The following SINHCAF variants were observed in gnomAD, a reference collection of about 807,000 sequenced individuals.
The protein encoded by SINHCAF is SIN3-HDAC complex-associated factor.
SINHCAF carries 3 observed loss-of-function variants against 25.8 expected under a neutral mutation model. That is an observed-to-expected ratio of 0.12 (90% CI 0.05 to 0.30). The LOEUF (loss-of-function observed/expected upper bound fraction) is 0.30, where lower values mean the gene tolerates loss of function less well. Ranked by LOEUF, SINHCAF falls within the 10% of genes least tolerant of loss-of-function variation. The probability of loss-of-function intolerance (pLI) is 1.00; values close to 1 mark genes in which losing one functional copy is unlikely to be tolerated. For missense variants in SINHCAF, 121 were observed against 262.3 expected (o/e 0.46, Z 3.72); for synonymous variants, 70 against 85.5 (o/e 0.82, Z 1.00).
At chr12:31,305,470 T>C (rs80084454) in intron 1 of SINHCAF, among the ~76,000 whole-genome samples, 3,102 of 152,238 alleles carry the variant, frequency 0.02, 106 homozygotes, top group African/African-American at 0.071. Context: ...AGAAGAGAGC[T>C]GATAAAGGGA....
chr12:31,325,381 C>G lies in SINHCAF; in HGVS notation c.-21+643G>C, dbSNP rs1338363729. 2.7e-6 allele frequency: 1 copy of G among 376,388 alleles called. No homozygotes were observed. The allele number at this position is 376,388 out of a possible 1,614,324, so 23.3% of individuals were successfully genotyped here. ...CATCCCTCCGGAGTTGAGCAAACAA[C>G]GCCACGCCGCGTGCGCTCCGGCAGA... On this transcript the variant is annotated intron_variant, in intron 1 of 5. Transcript: ENST00000337682. The surrounding 1 kb of genome is among the most constrained non-coding windows in gnomAD (Gnocchi z 5.9).
intron 2 of SINHCAF, chr12:31,296,912 G>A (rs964214849): frequency 1.8e-5 from 7 of 387,112 alleles, no homozygotes; most frequent in Non-Finnish European, 3.1e-5. Flanking sequence ...GTGCACACCT[G>A]TAGTCCCAGC....
In SINHCAF at chr12:31,309,127, C is replaced by CAA. The variant is rs757095598; in HGVS notation, c.-20-10905_-20-10904dup. Among the ~76,000 whole-genome samples, 676 of 74,530 alleles carry CAA rather than the reference C, an allele frequency of 9.1e-3. 14 individuals carry two copies. Among genetic ancestry groups the CAA allele is most frequent in the East Asian group, 0.086 (229 of 2,654 alleles). 48.9% of individuals were successfully genotyped at this position (74,530 alleles called of 152,430 possible). On this transcript the variant is annotated intron_variant, in intron 1 of 5. Coordinates refer to ENST00000337682, the MANE Select transcript of SINHCAF (RefSeq NM_001135812.2). ...TAGGTGACAGAGTGAGATTCTGTCT[C>CAA]AAAAAAAAAAAAAAAAAAAAAAAGA...
At chr12:31,291,661 G>A (rs1158471252) in intron 4 of SINHCAF, among the ~76,000 whole-genome samples, 4 of 152,204 alleles carry the variant, frequency 2.6e-5, no homozygotes, top group South Asian at 2.1e-4. Flanking sequence ...CTACTCGGGA[G>A]GCTGAGGCAG....
Position 31,324,791 on chromosome 12 carries a change from C to T in SINHCAF, c.-21+1233G>A, listed in dbSNP as rs1939889658. Reference sequence around the variant, plus strand: ...CCGAAGAGTCCGGAGCCTGGCCCCCCGACCCTCCCCTCGGGAGCAGGCCCA... The same window carrying T: ...CCGAAGAGTCCGGAGCCTGGCCCCCTGACCCTCCCCTCGGGAGCAGGCCCA... On this transcript the variant is annotated intron_variant, in intron 1 of 5. Transcript: ENST00000337682. This position sits in a 1 kb window ranked among gnomAD's most constrained non-coding sequence, Gnocchi z 5.5. 2.8e-6 allele frequency: 1 copy of T among 361,028 alleles called. No homozygotes were observed. Among genetic ancestry groups the T allele is most frequent in the African/African-American group, 2.1e-5 (1 of 47,004 alleles). The allele number at this position is 361,028 out of a possible 1,614,324, so 22.4% of individuals were successfully genotyped here.
chr12:31,323,766 T>C (rs1939811206), intron 1 of SINHCAF, among the ~76,000 whole-genome samples: 3 of 151,766 alleles, frequency 2.0e-5, no homozygotes, highest in Admixed American at 6.5e-5. Context: ...CTTCCCTTAG[T>C]AGGGCAACAG....
rs754264192 is a variant in SINHCAF at position 31,295,308 on chromosome 12, T to C, written c.154A>G (p.Ile52Val). 6.2e-7 allele frequency: 1 copy of C among 1,610,948 alleles called. No homozygotes were observed. Residue 52 changes from isoleucine (I) to valine (V), a missense_variant, in exon 3 of 6, where the codon ATC becomes GTC. Coordinates refer to ENST00000337682, the MANE Select transcript of SINHCAF (RefSeq NM_001135812.2). ...FGLHETRSGDICNACVLLVKR... is the reference protein window; with the variant it reads ...FGLHETRSGDVCNACVLLVKR... ...ACAAGCAGGACACAGGCATTGCAGA[T>C]GTCTCCTGAACGAGTCTCATGCAAT... is the stretch of plus-strand genomic sequence containing the variant.
intron 1 of SINHCAF, among the ~76,000 whole-genome samples, chr12:31,314,376 A>AT (rs1939413578): frequency 6.6e-6 from 1 of 152,088 alleles, no homozygotes; most frequent in Non-Finnish European, 1.5e-5. Flanking sequence ...TACAAAAAAA[A>AT]ATAGCCGGGC....
intron 5 of SINHCAF, among the ~76,000 whole-genome samples, chr12:31,285,733 T>G (rs920922147): frequency 1.3e-5 from 2 of 152,080 alleles, no homozygotes; most frequent in Admixed American, 6.6e-5. Context: ...CCCAGCACTT[T>G]GGGAGGTCAA....
chr12:31,315,090 C>G (rs756033338), intron 1 of SINHCAF, among the ~76,000 whole-genome samples: 1 of 152,212 alleles, frequency 6.6e-6, no homozygotes, highest in Non-Finnish European at 1.5e-5. Flanking sequence ...GCACAAGTTC[C>G]AGTAGCTTAT....
intron 1 of SINHCAF, among the ~76,000 whole-genome samples, chr12:31,306,421 C>T (rs1422232533): frequency 6.6e-6 from 1 of 152,100 alleles, no homozygotes; most frequent in Non-Finnish European, 1.5e-5. Flanking sequence ...TAAATGTGTT[C>T]CATGAGGGGT....
intron 4 of SINHCAF, among the ~76,000 whole-genome samples, chr12:31,293,511 A>G (rs546660038): frequency 6.6e-6 from 1 of 152,188 alleles, no homozygotes; most frequent in African/African-American, 2.4e-5. Context: ...AAATCAAGTA[A>G]ATGAGCTAGA....
At chr12:31,310,136 G>A (rs931668445) in intron 1 of SINHCAF, among the ~76,000 whole-genome samples, 1 of 152,144 alleles carries the variant, frequency 6.6e-6, no homozygotes, top group Non-Finnish European at 1.5e-5. Flanking sequence ...AGGAAAACAT[G>A]GGATTGGCTA....
intron 1 of SINHCAF, 59 bp from the exon 2 acceptor site, chr12:31,298,283 A>G: frequency 1.3e-6 from 2 of 1,596,610 alleles, no homozygotes; most frequent in Non-Finnish European, 1.7e-6. Context: ...GAACCATTAA[A>G]GAGTTCTCTC....
At chr12:31,294,054 T>G (rs1938448779) in intron 3 of SINHCAF, 123 bp from the exon 4 acceptor site, 1 of 647,146 alleles carries the variant, frequency 1.5e-6, no homozygotes, top group East Asian at 3.0e-5. Flanking sequence ...AAGCTCCATG[T>G]GCACCTTTAA....
chr12:31,300,432 G>A (rs1938741131), intron 1 of SINHCAF, among the ~76,000 whole-genome samples: 1 of 151,982 alleles, frequency 6.6e-6, no homozygotes, highest in Non-Finnish European at 1.5e-5. Context: ...TCTAAGAACT[G>A]TTTTAAAAAA....
chr12:31,298,052 T>C (rs1229482172), intron 2 of SINHCAF, 25 bp downstream of exon 2: 1 of 1,609,660 alleles, frequency 6.2e-7, no homozygotes. Flanking sequence ...ACTCTAAGAA[T>C]AGTACAAACA....
rs984504537 is a variant in SINHCAF at position 31,280,689 on chromosome 12, A to G, written c.*2023T>C. The G allele has an allele frequency of 4.6e-5, 7 of 152,564 alleles. No individual in the cohort carries two copies. Among genetic ancestry groups the G allele is most frequent in the Non-Finnish European group, 1.0e-4 (7 of 68,026 alleles). 9.5% of individuals were successfully genotyped at this position (152,564 alleles called of 1,614,324 possible). A position where few individuals can be genotyped will look rare whatever the true frequency, so the allele number is the denominator to read the frequency against. ...CAAAACAGATCTGTAGATTTCTAAT[A>G]TATTAATACAAAGTGCATGACTACA... On this transcript the variant is annotated 3_prime_UTR_variant, in exon 6 of 6. Transcript: ENST00000337682.
intron 4 of SINHCAF, 79 bp from the exon 5 acceptor site, chr12:31,287,863 C>A: frequency 9.9e-7 from 1 of 1,012,198 alleles, no homozygotes; most frequent in South Asian, 2.2e-5. Context: ...GCATAAGACA[C>A]TGTGAAAGAG....
Sources: allele counts gnomAD v4.1 joint callset (sites outside exome capture counted in the v4.1 genomes callset), GRCh38; gene constraint gnomAD v4.1.1; non-coding constraint Gnocchi (gnomAD v3.1); transcripts MANE v1.5; gene names NCBI Gene and HGNC (gene_info 2026-07-23, HGNC 2026-07-21).